The following TIMM23 variants were observed in gnomAD, a reference collection of about 807,000 sequenced individuals.
The protein encoded by TIMM23 is mitochondrial import inner membrane translocase subunit Tim23.
Under a neutral mutation model 30.7 loss-of-function variants are expected in TIMM23, and 19 were observed. That is an observed-to-expected ratio of 0.62 (90% CI 0.43 to 0.91). TIMM23 has a LOEUF of 0.91. Among genes scored for constraint, TIMM23 ranks in the 40% least tolerant of loss-of-function variants. The probability of loss-of-function intolerance (pLI) is 0.00; values close to 1 mark genes in which losing one functional copy is unlikely to be tolerated. For synonymous variants in TIMM23, 78 were observed against 98.5 expected (o/e 0.79, Z 1.23); for missense variants, 202 against 269.2 (o/e 0.75, Z 1.75).
At position 45,988,844 on chromosome 10, in the gene TIMM23, A is replaced by G. The variant is rs1264500847; in HGVS notation, c.511A>G (p.Thr171Ala). 8.1e-6 allele frequency: 13 copies of G among 1,611,296 alleles called. No individual in the cohort carries two copies. Among genetic ancestry groups the G allele is most frequent in the African/African-American group, 2.7e-5 (2 of 75,012 alleles). ...GTMTGMLYKC[T>A]GGLRGIARGG... ...CATGACAGGCATGTTGTATAAATGT[A>G]CAGGTGAGTACTGTTGAATGGGGAG... The change falls in exon 6 of 7, where the codon ACA (threonine) becomes GCA (alanine). Residue 171 changes from threonine (T) to alanine (A), a missense_variant. Transcript: ENST00000580018.
At chr10:45,991,606 C>G (rs1278889006) in intron 6 of TIMM23, among the ~76,000 whole-genome samples, 3 of 151,990 alleles carry the variant, frequency 2.0e-5, no homozygotes, top group Non-Finnish European at 2.9e-5. Context: ...ACAAAATTAG[C>G]CAGGTGTGGT....
At chr10:45,975,279 C>T (rs1245799738) in intron 1 of TIMM23, among the ~76,000 whole-genome samples, 175 bp from the exon 2 acceptor site, 1 of 152,088 alleles carries the variant, frequency 6.6e-6, no homozygotes, top group African/African-American at 2.4e-5. Context: ...TTGAGGGTCT[C>T]AGGATGAGTC....
chr10:45,998,599 A>G (rs1224773519), intron 6 of TIMM23, among the ~76,000 whole-genome samples: 1 of 152,338 alleles, frequency 6.6e-6, no homozygotes. Context: ...TAACGGAAAC[A>G]GTTACAATTA....
At chr10:45,974,481 C>T (rs1837606122) in intron 1 of TIMM23, among the ~76,000 whole-genome samples, 1 of 152,112 alleles carries the variant, frequency 6.6e-6, no homozygotes, top group Non-Finnish European at 1.5e-5. Context: ...AGCTCTTAGG[C>T]CAGTCTGTCT....
chr10:46,001,294 A>T (rs782059168), intron 6 of TIMM23, among the ~76,000 whole-genome samples: 13 of 152,214 alleles, frequency 8.5e-5, no homozygotes, highest in Non-Finnish European at 1.5e-4. Context: ...CTTCAAGGAG[A>T]TACCTCATGT....
chr10:45,989,284 C>T (rs1838086741), intron 6 of TIMM23, among the ~76,000 whole-genome samples: 1 of 152,286 alleles, frequency 6.6e-6, no homozygotes, highest in Admixed American at 6.5e-5. Flanking sequence ...CAAGGTTCAT[C>T]CATGTTGTTG....
At chr10:45,976,931 A>G (rs1554913223) in intron 2 of TIMM23, among the ~76,000 whole-genome samples, 1 of 152,256 alleles carries the variant, frequency 6.6e-6, no homozygotes, top group African/African-American at 2.4e-5. Context: ...AAGTTGCAGA[A>G]TACAAGTTCA....
At chr10:45,978,920 G>A (rs1837756987) in intron 2 of TIMM23, among the ~76,000 whole-genome samples, 1 of 152,166 alleles carries the variant, frequency 6.6e-6, no homozygotes, top group Non-Finnish European at 1.5e-5. Flanking sequence ...ATAAAAAAGT[G>A]TGGCATATCC....
intron 6 of TIMM23, chr10:45,998,246 A>G (rs1487169706): frequency 1.0e-5 from 3 of 299,578 alleles, no homozygotes; most frequent in Non-Finnish European, 1.5e-5. Flanking sequence ...AGTCATTGTC[A>G]TTTGAATGCA....
chr10:45,993,386 G>C lies in TIMM23; in HGVS notation c.514+4539G>C, dbSNP rs587651620. 2.2e-3 allele frequency among the ~76,000 whole-genome samples: 337 copies of C among 151,792 alleles called. 2 individuals carry two copies. The highest frequency in any genetic ancestry group is 7.8e-3 in the African/African-American group (322 of 41,310). On this transcript the variant is annotated intron_variant, in intron 6 of 6. Transcript: ENST00000580018. ...TCCTGCCTCATCCTCCCGAGTAGCT[G>C]GAATTACACGCATGCACCACGATGC...
chr10:45,997,267 A>G (rs1554916896), intron 6 of TIMM23, among the ~76,000 whole-genome samples: 1 of 152,192 alleles, frequency 6.6e-6, no homozygotes, highest in Admixed American at 6.5e-5. Context: ...GCCTTTAAAA[A>G]GGAAATTCTG....
rs1554912005 is a variant in TIMM23, at chr10:45,972,711, G to A, written c.87G>A (p.Ala29=). 5 of 1,613,994 alleles carry A rather than the reference G, an allele frequency of 3.1e-6. No homozygotes were observed. The highest frequency in any genetic ancestry group is 3.4e-6 in the Non-Finnish European group (4 of 1,179,858). The change falls in exon 1 of 7, where the codon GCG becomes GCA. Residue 29 remains alanine, a synonymous_variant. Transcript: ENST00000580018. ...FGAGGAGYSH[A]DLAGVPLTGM... Reference sequence around the variant, plus strand: ...CCGGCGGAGCAGGTTACTCGCACGCGGATTTGGCTGGCGTCCCGCGTAAGT... The same window carrying A: ...CCGGCGGAGCAGGTTACTCGCACGCAGATTTGGCTGGCGTCCCGCGTAAGT...
intron 1 of TIMM23, 140 bp from the exon 2 acceptor site, chr10:45,975,314 G>C: frequency 9.2e-7 from 1 of 1,088,638 alleles, no homozygotes. Context: ...CAGATAGGGA[G>C]GATAAAATGG....
chr10:45,975,706 C>T (rs1590109187), intron 2 of TIMM23, among the ~76,000 whole-genome samples, 194 bp downstream of exon 2: 2 of 152,256 alleles, frequency 1.3e-5, no homozygotes. Context: ...CCTTCAAAAG[C>T]TTATTTTTTA....
chr10:45,990,105 G>C (rs1350831225), intron 6 of TIMM23, among the ~76,000 whole-genome samples: 1 of 150,626 alleles, frequency 6.6e-6, no homozygotes, highest in Admixed American at 6.7e-5. Flanking sequence ...TTTTCCCAAA[G>C]GCAACTTTTA....
intron 6 of TIMM23, among the ~76,000 whole-genome samples, chr10:45,998,792 G>A (rs1838423226): frequency 6.6e-6 from 1 of 151,688 alleles, no homozygotes; most frequent in African/African-American, 2.4e-5. Flanking sequence ...AGCTTTTGGG[G>A]GAGTAAATTA....
chr10:45,987,478 T>A (rs1474906664), intron 5 of TIMM23, among the ~76,000 whole-genome samples: 62 of 152,242 alleles, frequency 4.1e-4, no homozygotes, highest in African/African-American at 1.4e-3. Context: ...AAGCTCCAGG[T>A]TATTTTACCT....
chr10:45,972,977 C>G (rs1837540864), intron 1 of TIMM23, among the ~76,000 whole-genome samples: 1 of 152,138 alleles, frequency 6.6e-6, no homozygotes, highest in East Asian at 1.9e-4. Context: ...TGCATGTTTT[C>G]TTAGGTTTAT....
chr10:45,988,649 G>C (rs1838069430), intron 5 of TIMM23, 88 bp from the exon 6 acceptor site: 1 of 876,080 alleles, frequency 1.1e-6, no homozygotes, highest in African/African-American at 1.6e-5. Flanking sequence ...TTATGAGCTA[G>C]GAACCATGGA....
Sources: allele counts gnomAD v4.1 joint callset (sites outside exome capture counted in the v4.1 genomes callset), GRCh38; gene constraint gnomAD v4.1.1; transcripts MANE v1.5; gene names NCBI Gene and HGNC (gene_info 2026-07-23, HGNC 2026-07-21).